Variants in FGL1 observed in about 807,000 individuals in gnomAD.
FGL1 encodes the protein fibrinogen like 1.
In FGL1, 59 loss-of-function variants were observed where a neutral mutation model predicts 43.7. The ratio of observed to expected loss-of-function variants is 1.35; its 90% CI spans 1.10 to 1.68. The LOEUF (loss-of-function observed/expected upper bound fraction) is 1.68, where lower values mean the gene tolerates loss of function less well. Among genes scored for constraint, FGL1 ranks in the 40% most tolerant of loss-of-function variants. The pLI is 0.00. For synonymous variants in FGL1, 192 were observed against 126.5 expected, an observed-to-expected ratio of 1.52 and a Z score of -3.48; for missense variants, 596 against 373.0, an observed-to-expected ratio of 1.60 and a Z score of -4.92.
chr8:17,875,503 C>CTTTCTTTCTTTCTT (rs2053433360), intron 3 of FGL1, among the ~76,000 whole-genome samples: 1 of 7,390 alleles, frequency 1.4e-4, no homozygotes, highest in African/African-American at 5.2e-4. Context: ...TTCTTTCTTT[C>CTTTCTTTCTTTCTT]TTTCTTTCTT....
At chr8:17,869,875 C>A (rs1393778099) in intron 5 of FGL1, among the ~76,000 whole-genome samples, 1 of 152,054 alleles carries the variant, frequency 6.6e-6, no homozygotes, top group Non-Finnish European at 1.5e-5. Flanking sequence ...TTTGGGAGGC[C>A]GAGGCGGGCG....
chr8:17,889,918 T>C (rs2131746086), intron 1 of FGL1, among the ~76,000 whole-genome samples: 1 of 152,316 alleles, frequency 6.6e-6, no homozygotes, highest in Admixed American at 6.5e-5. Flanking sequence ...AAAAATAGGT[T>C]CAAAATATAC....
At chr8:17,875,724 C>A (rs1205883049) in intron 3 of FGL1, among the ~76,000 whole-genome samples, 1 of 151,980 alleles carries the variant, frequency 6.6e-6, no homozygotes, top group Non-Finnish European at 1.5e-5. Context: ...CCTGCCTCAG[C>A]CTCCTGAGTA....
intron 1 of FGL1, chr8:17,891,632 G>A (rs887742775): frequency 1.0e-6 from 1 of 970,618 alleles, no homozygotes; most frequent in East Asian, 1.1e-4. Context: ...ACCTAGCACA[G>A]GTACTCGACA....
In FGL1 at chr8:17,885,537, A is replaced by C. The variant is rs570617482; in HGVS notation, c.18T>G (p.Ser6Arg). The stretch of plus-strand genomic sequence containing the variant: ...TCAGAGCGGTGGTAACAAGGATGAA[A>C]CTGAACACCTTTGCCATGTTCCCCC... MAKVFSFILVTTALTM... is the reference protein window; with the variant it reads MAKVFRFILVTTALTM... Residue 6 changes from serine to arginine, a missense_variant, in exon 2 of 8, where the codon AGT becomes AGG. Transcript: ENST00000427924. The C allele has an allele frequency of 6.2e-7, 1 of 1,613,942 alleles. No individual in the cohort carries two copies. The highest frequency in any genetic ancestry group is 1.3e-5 in the African/African-American group (1 of 75,036).
intron 1 of FGL1, among the ~76,000 whole-genome samples, chr8:17,888,747 A>T (rs1467810343): frequency 6.6e-6 from 1 of 152,216 alleles, no homozygotes. Context: ...AAGAAGTAAA[A>T]ACCATCCATT....
intron 7 of FGL1, among the ~76,000 whole-genome samples, chr8:17,865,484 A>G (rs1432366292): frequency 6.6e-6 from 1 of 152,216 alleles, no homozygotes; most frequent in Non-Finnish European, 1.5e-5. Context: ...GTAAGCAAAC[A>G]AACCTAAATC....
At chr8:17,868,500 G>A (rs1585126575) in intron 7 of FGL1, 48 bp downstream of exon 7, 1 of 1,402,578 alleles carries the variant, frequency 7.1e-7, no homozygotes, top group East Asian at 2.4e-5. Flanking sequence ...ATGTCTATCA[G>A]TGAGATATCA....
At chr8:17,876,157 G>A (rs546571746) in intron 3 of FGL1, among the ~76,000 whole-genome samples, 8 of 151,960 alleles carry the variant, frequency 5.3e-5, no homozygotes, top group East Asian at 1.9e-4. Flanking sequence ...TACCCTTATC[G>A]CTTTGTTAAT....
In FGL1 at chr8:17,884,456, A is replaced by G. The variant is rs541416135; in HGVS notation, c.63+1036T>C. ...GCGATCCACCCACCTCGGCCCCTCAAAGTGCTGGGATTACAGGCGTGAGCC... is the reference window on the plus strand; with the variant it reads ...GCGATCCACCCACCTCGGCCCCTCAGAGTGCTGGGATTACAGGCGTGAGCC... On this transcript the variant is annotated intron_variant, in intron 2 of 7. Transcript: ENST00000427924. 2.0e-5 allele frequency among the ~76,000 whole-genome samples: 3 copies of G among 152,192 alleles called. No homozygotes were observed. The South Asian group carries it at 6.2e-4, about 32-fold the overall frequency.
chr8:17,882,277 C>G (rs2053549230), intron 2 of FGL1, 98 bp from the exon 3 acceptor site: 1 of 1,110,336 alleles, frequency 9.0e-7, no homozygotes, highest in Admixed American at 2.7e-5. Flanking sequence ...CATTTTGTCT[C>G]CAGTTCCCAT....
intron 1 of FGL1, chr8:17,891,708 G>C: frequency 1.0e-6 from 1 of 984,956 alleles, no homozygotes. Context: ...AACTTCCCAG[G>C]ATCTGTTATT....
chr8:17,864,820 A>G, intron 7 of FGL1, 69 bp from the exon 8 acceptor site: 1 of 1,262,120 alleles, frequency 7.9e-7, no homozygotes, highest in Non-Finnish European at 1.0e-6. Flanking sequence ...AATCCCTTTT[A>G]TTTTGCTACA....
In FGL1 at chr8:17,883,691, T is replaced by TA. The variant is rs1554567292; in HGVS notation, c.64-1513_64-1512insT. Among the ~76,000 whole-genome samples the TA allele has an allele frequency of 1.9e-3, 282 of 145,550 alleles. 1 individual carries two copies. The highest frequency in any genetic ancestry group is 6.8e-3 in the African/African-American group (271 of 39,578). Reference sequence around the variant, plus strand: ...ATATAGTCTATAATATATATATATTTTTTATATATATATATATGTAGTACA... The same window carrying TA: ...ATATAGTCTATAATATATATATATTTATTTATATATATATATATGTAGTACA... On this transcript the variant is annotated intron_variant, in intron 2 of 7. Transcript: ENST00000427924.
intron 2 of FGL1, chr8:17,882,542 A>G (rs1243080334): frequency 6.1e-6 from 1 of 163,714 alleles, no homozygotes; most frequent in Non-Finnish European, 1.3e-5. Flanking sequence ...CAGTTCAAGG[A>G]CTGTGCTCTC....
At chr8:17,880,410 G>C (rs1280855620) in intron 3 of FGL1, among the ~76,000 whole-genome samples, 1 of 152,228 alleles carries the variant, frequency 6.6e-6, no homozygotes, top group Non-Finnish European at 1.5e-5. Flanking sequence ...TGTATGATTA[G>C]AAGCAGAAAA....
chr8:17,885,375 T>C lies in FGL1; in HGVS notation c.63+117A>G, dbSNP rs551876294. ...GTATTTCTACCAGCCTCTTTGCTTT[T>C]CCCACATAGTTAAGTTTTTTCAATG... On this transcript the variant is annotated intron_variant, in intron 2 of 7. Coordinates refer to ENST00000427924, the MANE Select transcript of FGL1 (RefSeq NM_004467.4). The C allele has an allele frequency of 6.2e-5, 51 of 817,534 alleles. No homozygotes were observed. In the East Asian group the frequency reaches 1.2e-3, roughly 19 times the overall value. The allele number at this position is 817,534 out of a possible 1,614,324, so 50.6% of individuals were successfully genotyped here.
At chr8:17,876,176 C>CA (rs1372621942) in intron 3 of FGL1, among the ~76,000 whole-genome samples, 3 of 152,080 alleles carry the variant, frequency 2.0e-5, no homozygotes, top group Non-Finnish European at 4.4e-5. Flanking sequence ...ATTTCCTTAA[C>CA]AAAAAATTTT....
intron 1 of FGL1, among the ~76,000 whole-genome samples, chr8:17,888,226 GA>G (rs1289648631): frequency 6.6e-6 from 1 of 152,080 alleles, no homozygotes; most frequent in Non-Finnish European, 1.5e-5. Context: ...TTTTATAAAA[GA>G]TAAAATGGGG....
Sources: allele counts gnomAD v4.1 joint callset (sites outside exome capture counted in the v4.1 genomes callset), GRCh38; gene constraint gnomAD v4.1.1; transcripts MANE v1.5; gene names NCBI Gene and HGNC (gene_info 2026-07-23, HGNC 2026-07-21).